YBEY: variants seen among roughly 807,000 people sequenced by gnomAD.
The protein encoded by YBEY is endoribonuclease YbeY.
A neutral mutation model predicts 13.5 loss-of-function variants in YBEY; 15 were observed. That is an observed-to-expected ratio of 1.11 (90% CI 0.75 to 1.72). YBEY has a LOEUF of 1.72. YBEY is among the 40% of genes most tolerant of loss of function. The probability of loss-of-function intolerance (pLI) is 0.00; values close to 1 mark genes in which losing one functional copy is unlikely to be tolerated. For synonymous variants in YBEY, 101 were observed against 83.1 expected, an observed-to-expected ratio of 1.21 and a Z score of -1.17; for missense variants, 244 against 208.4, an observed-to-expected ratio of 1.17 and a Z score of -1.05.
chr21:46,302,594 G>C (rs1238380565), downstream of YBEY: 1 of 1,597,044 alleles, frequency 6.3e-7, no homozygotes, highest in Non-Finnish European at 8.6e-7. Context: ...GAAGAAGCAG[G>C]GGGACCCTGA....
Position 46,287,265 on chromosome 21 carries a change from G to A in YBEY, c.210+142G>A, listed in dbSNP as rs962257898. 24 of 785,996 alleles carry A rather than the reference G, an allele frequency of 3.1e-5. No homozygotes were observed. In the African/African-American group the frequency reaches 3.5e-4, roughly 11 times the overall value. 48.7% of individuals were successfully genotyped at this position (785,996 alleles called of 1,614,324 possible). ...GGCTGGAGTGCAGTGGTGCGATCTC[G>A]GCTCACTGCAACCTCCCTTCCTGGT... On this transcript the variant is annotated intron_variant, in intron 2 of 4. Transcript: ENST00000397701.
chr21:46,297,630 G>A lies in YBEY; in HGVS notation c.500G>A (p.Ser167Asn). ...CTGACCCGGGGCCTCTTCGGAGGGA[G>A]CTGAGGGCCGCGTTCCTTCTGAAAG... ...QPLTRGLFGG[S>N] is the part of the protein sequence containing the mutation. Residue 167 changes from serine (S) to asparagine (N), a missense_variant, in exon 5 of 5, where the codon AGC becomes AAC. Coordinates refer to ENST00000397701, the MANE Select transcript of YBEY (RefSeq NM_001314025.2). The A allele has an allele frequency of 7.6e-7, 1 of 1,315,070 alleles. No individual in the cohort carries two copies. Among genetic ancestry groups the A allele is most frequent in the Non-Finnish European group, 9.8e-7 (1 of 1,019,484 alleles). 81.5% of individuals were successfully genotyped at this position (1,315,070 alleles called of 1,614,324 possible).
chr21:46,289,360 C>T (rs1415260930), intron 2 of YBEY, among the ~76,000 whole-genome samples: 2 of 151,664 alleles, frequency 1.3e-5, no homozygotes, highest in Non-Finnish European at 2.9e-5. Context: ...TGGGATAGAG[C>T]ATTGCAGTGA....
In YBEY at chr21:46,291,265, A is replaced by G. The variant is rs150862012; in HGVS notation, c.211-69A>G. 1,102 of 1,598,916 alleles carry G rather than the reference A, an allele frequency of 6.9e-4. 1 individual carries two copies. Among genetic ancestry groups the G allele is most frequent in the Non-Finnish European group, 8.9e-4 (1,045 of 1,173,484 alleles). On this transcript the variant is annotated intron_variant, in intron 2 of 4. Transcript: ENST00000397701. ...CTTATTTGCCTTGGGATTAACCAGGATGAAACCTGTCAACCTGTGGTTGGG... is the reference window on the plus strand; with the variant it reads ...CTTATTTGCCTTGGGATTAACCAGGGTGAAACCTGTCAACCTGTGGTTGGG...
chr21:46,288,321 A>G (rs1256769717), intron 2 of YBEY, among the ~76,000 whole-genome samples: 1 of 152,248 alleles, frequency 6.6e-6, no homozygotes, highest in Non-Finnish European at 1.5e-5. Flanking sequence ...TGGGAAAGCA[A>G]CTTGGCATTT....
chr21:46,292,405 C>T (rs1639427398), intron 3 of YBEY, among the ~76,000 whole-genome samples: 1 of 152,226 alleles, frequency 6.6e-6, no homozygotes, highest in Non-Finnish European at 1.5e-5. Flanking sequence ...TGGCCCTTCA[C>T]AAGCTTCACA....
chr21:46,290,177 C>A (rs1200590030), intron 2 of YBEY, among the ~76,000 whole-genome samples: 1 of 151,844 alleles, frequency 6.6e-6, no homozygotes. Context: ...GTTTGTATAA[C>A]CCTAATGGCT....
At chr21:46,298,928 A>C (rs929556862), downstream of YBEY, among the ~76,000 whole-genome samples, 2 of 149,086 alleles carry the variant, frequency 1.3e-5, no homozygotes, top group Non-Finnish European at 3.0e-5. Flanking sequence ...CGCTGTGTTG[A>C]CCAGGCTGGG....
the YBEY span, among the ~76,000 whole-genome samples, chr21:46,303,495 A>G: frequency 6.6e-6 from 1 of 151,694 alleles, no homozygotes; most frequent in Non-Finnish European, 1.5e-5. Flanking sequence ...TAAGGGAGGC[A>G]GGCAACCTGA....
chr21:46,309,198 C>T, the YBEY span, among the ~76,000 whole-genome samples: 4 of 152,114 alleles, frequency 2.6e-5, no homozygotes, highest in Admixed American at 6.6e-5. Context: ...TGGTGGCTCA[C>T]GCCTGTAATC....
intron 1 of YBEY, chr21:46,286,648 A>T (rs1019964274): frequency 8.3e-5 from 20 of 240,428 alleles, no homozygotes; most frequent in Admixed American, 8.1e-4. Context: ...TTCTCTGGGA[A>T]CCGCTCCTTC....
At chr21:46,312,592 A>G in the YBEY span, among the ~76,000 whole-genome samples, 1 of 152,194 alleles carries the variant, frequency 6.6e-6, no homozygotes, top group Non-Finnish European at 1.5e-5. Context: ...GTGTCCAGGC[A>G]GGGGAAATGC....
At chr21:46,287,537 C>T (rs1027866356) in intron 2 of YBEY, among the ~76,000 whole-genome samples, 4 of 152,072 alleles carry the variant, frequency 2.6e-5, no homozygotes, top group African/African-American at 9.7e-5. Context: ...AGGCTAGGCT[C>T]CATGGTGCCT....
chr21:46,286,838 C>G, intron 1 of YBEY, 32 bp from the exon 2 acceptor site: 2 of 1,357,464 alleles, frequency 1.5e-6, no homozygotes, highest in East Asian at 2.3e-5. Context: ...ATCACTTGTA[C>G]TGATTGGTCT....
At chr21:46,296,463 C>T (rs986458907) in intron 4 of YBEY, among the ~76,000 whole-genome samples, 1 of 152,240 alleles carries the variant, frequency 6.6e-6, no homozygotes. Context: ...AGAGCCACAG[C>T]TGACACTAGC....
At chr21:46,302,434 C>A, downstream of YBEY, 1 of 1,414,796 alleles carries the variant, frequency 7.1e-7, no homozygotes, top group Admixed American at 2.0e-5. Flanking sequence ...GAAGAAAAAC[C>A]ACCCAGGCCC....
At position 46,297,732 on chromosome 21, in the gene YBEY, A is replaced by T; in HGVS notation, c.*98A>T. On this transcript the variant is annotated 3_prime_UTR_variant, in exon 5 of 5. Transcript: ENST00000397701. ...AATAACGAATGAACGTACGAGGGGA[A>T]CCTCCTCTTATTTCCTTCACGTTGC... 8.0e-7 allele frequency: 1 copy of T among 1,249,792 alleles called. No homozygotes were observed. The allele number at this position is 1,249,792 out of a possible 1,614,324, so 77.4% of individuals were successfully genotyped here. A position where few individuals can be genotyped will look rare whatever the true frequency, so the allele number is the denominator to read the frequency against.
At chr21:46,313,127 G>A in the YBEY span, 171 of 913,092 alleles carry the variant, frequency 1.9e-4, no homozygotes, top group South Asian at 3.6e-3. Flanking sequence ...AGGACACACC[G>A]TCAGCTCTTG....
downstream of YBEY, among the ~76,000 whole-genome samples, chr21:46,298,554 C>G (rs1432937772): frequency 6.6e-6 from 1 of 151,232 alleles, no homozygotes; most frequent in Admixed American, 6.6e-5. Context: ...TTCATCCTCC[C>G]GAGTAGCTGG....
Sources: allele counts gnomAD v4.1 joint callset (sites outside exome capture counted in the v4.1 genomes callset), GRCh38; gene constraint gnomAD v4.1.1; transcripts MANE v1.5; gene names NCBI Gene and HGNC (gene_info 2026-07-23, HGNC 2026-07-21).